JAK1: variants seen among roughly 807,000 people sequenced by gnomAD.
The protein encoded by JAK1 is Janus kinase 1, also known as tyrosine-protein kinase JAK1.
In JAK1, 16 loss-of-function variants were observed where a neutral mutation model predicts 136.6. The observed-to-expected ratio is 0.12, with a 90% confidence interval of 0.08 to 0.18. The LOEUF (loss-of-function observed/expected upper bound fraction) is 0.18, where lower values mean the gene tolerates loss of function less well. Among genes scored for constraint, JAK1 ranks in the 10% least tolerant of loss-of-function variants. The pLI is 1.00. For missense variants in JAK1, 859 were observed against 1,450.1 expected (o/e 0.59, Z 6.62); for synonymous variants, 492 against 519.5 (o/e 0.95, Z 0.72).
chr1:65,059,551 A>C (rs183427295), intron 1 of JAK1, among the ~76,000 whole-genome samples: 14 of 152,330 alleles, frequency 9.2e-5, no homozygotes, highest in Admixed American at 9.2e-4. Context: ...ACCTTTTTAA[A>C]AAGTAATAAT....
At chr1:64,934,808 C>T (rs1286446092) in intron 1 of JAK1, among the ~76,000 whole-genome samples, 1 of 152,190 alleles carries the variant, frequency 6.6e-6, no homozygotes, top group Non-Finnish European at 1.5e-5. Context: ...GTAAATGTCA[C>T]CCACCAGACT....
At chr1:64,858,610 T>C (rs1026966191) in intron 9 of JAK1, among the ~76,000 whole-genome samples, 1 of 152,230 alleles carries the variant, frequency 6.6e-6, no homozygotes, top group African/African-American at 2.4e-5. Context: ...ATCCATTCAT[T>C]CAACAAATAC....
intron 2 of JAK1, chr1:64,973,618 T>A: frequency 7.0e-6 from 1 of 141,944 alleles, no homozygotes; most frequent in East Asian, 2.0e-4. Flanking sequence ...TCGTCTCACT[T>A]TGCAAAAAAA....
intron 1 of JAK1, among the ~76,000 whole-genome samples, chr1:65,060,493 T>C (rs1011210): frequency 0.47 from 70,857 of 152,046 alleles, 19,095 homozygotes; most frequent in Non-Finnish European, 0.6. Context: ...TACTGCAAAG[T>C]TGAAATTCAC....
chr1:64,950,623 T>A (rs1287229221), intron 1 of JAK1, among the ~76,000 whole-genome samples: 1 of 152,136 alleles, frequency 6.6e-6, no homozygotes, highest in African/African-American at 2.4e-5. Context: ...CCAAGTAACT[T>A]GATCTCTCTT....
Position 64,894,533 on chromosome 1 carries a change from C to T in JAK1, c.-77-8192G>A, listed in dbSNP as rs144149520. 7.3e-3 allele frequency among the ~76,000 whole-genome samples: 1,111 copies of T among 152,062 alleles called. 9 individuals carry two copies. Among genetic ancestry groups the T allele is most frequent in the African/African-American group, 0.019 (799 of 41,490 alleles). On this transcript the variant is annotated intron_variant, in intron 1 of 24. Transcript: ENST00000342505. ...CAGCACTTTGGGACGCCAAGGTGGG[C>T]GGATCACTTGAGGTCAGGAGTTCGA...
chr1:64,893,624 T>A (rs1644971769), intron 1 of JAK1, among the ~76,000 whole-genome samples: 1 of 152,184 alleles, frequency 6.6e-6, no homozygotes, highest in South Asian at 2.1e-4. Context: ...CTCTTAATGC[T>A]AAAATAAAAT....
chr1:64,967,060 GAA>G (rs202230651), upstream of JAK1, among the ~76,000 whole-genome samples: 1 of 140,052 alleles, frequency 7.1e-6, no homozygotes, highest in Admixed American at 7.1e-5. Flanking sequence ...AGCTCTTTAC[GAA>G]AAAAAAAAAA....
intron 2 of JAK1, among the ~76,000 whole-genome samples, chr1:65,014,796 C>T (rs954447702): frequency 3.3e-5 from 5 of 151,842 alleles, no homozygotes; most frequent in African/African-American, 4.8e-5. Flanking sequence ...GCCATTCTCC[C>T]GCCTCAGCCT....
At chr1:64,849,229 C>T (rs1655434600) in intron 12 of JAK1, among the ~76,000 whole-genome samples, 1 of 152,088 alleles carries the variant, frequency 6.6e-6, no homozygotes, top group Non-Finnish European at 1.5e-5. Context: ...CTCGCTCTAA[C>T]ACCTGGCGGG....
At chr1:64,870,845 C>G (rs1053756825) in intron 5 of JAK1, among the ~76,000 whole-genome samples, 8 of 152,198 alleles carry the variant, frequency 5.3e-5, no homozygotes, top group African/African-American at 1.9e-4. Flanking sequence ...CCAAAAACTT[C>G]TGAGGAACAA....
At position 64,883,378 on chromosome 1, in the gene JAK1, C is replaced by T; in HGVS notation, c.104G>A (p.Gly35Glu). 6.2e-7 allele frequency: 1 copy of T among 1,614,204 alleles called. No homozygotes were observed. The highest frequency in any genetic ancestry group is 1.1e-5 in the South Asian group (1 of 91,082). The change falls in exon 3 of 25, where the codon GGG (glycine) becomes GAG (glutamate). Residue 35 changes from glycine to glutamate, a missense_variant. Physicochemically the swap from Gly to Glu is moderately conservative, Grantham distance 98 (BLOSUM62 -2). Around this residue, in one of 4 missense-constraint regions of JAK1, gnomAD observed 353 missense variants for 494.0 expected, o/e 0.71. Coordinates refer to ENST00000342505, the MANE Select transcript of JAK1 (RefSeq NM_002227.4). ...CGACAGATAGAAGATCACTTCCACC[C>T]CTGGCTCAGGGGCCTCCAGGTTCAC... ...TEVNLEAPEP[G>E]VEVIFYLSDR... is the part of the protein sequence containing the mutation.
intron 2 of JAK1, among the ~76,000 whole-genome samples, chr1:65,043,986 T>C (rs891685681): frequency 1.3e-5 from 2 of 152,002 alleles, no homozygotes; most frequent in African/African-American, 2.4e-5. Context: ...CCTCCAAAAG[T>C]GCTGGGATTA....
At chr1:64,899,599 CCA>C (rs1418660646) in intron 1 of JAK1, among the ~76,000 whole-genome samples, 1 of 152,132 alleles carries the variant, frequency 6.6e-6, no homozygotes, top group Non-Finnish European at 1.5e-5. Context: ...TTTTTGACTA[CCA>C]CATTTCTTGA....
chr1:64,949,954 G>T (rs1029106308), intron 1 of JAK1, among the ~76,000 whole-genome samples: 11 of 152,068 alleles, frequency 7.2e-5, no homozygotes, highest in African/African-American at 2.7e-4. Flanking sequence ...ATTCAAAAAT[G>T]ATTATTACAA....
chr1:64,862,030 T>A lies in JAK1; in HGVS notation c.1177-1768A>T, dbSNP rs191282083. ...GATGCCAAGGAGATGTAGAGAGAAG[T>A]GATACATGAAGGTCTGACTTGACAA... On this transcript the variant is annotated intron_variant, in intron 8 of 24. Transcript: ENST00000342505. Among the ~76,000 whole-genome samples the A allele has an allele frequency of 3.2e-3, 484 of 152,284 alleles. 1 individual carries two copies. Among genetic ancestry groups the A allele is most frequent in the Middle Eastern group, 6.8e-3 (2 of 294 alleles).
chr1:65,056,311 GTC>G (rs1647534763), intron 1 of JAK1, among the ~76,000 whole-genome samples: 1 of 152,212 alleles, frequency 6.6e-6, no homozygotes, highest in Non-Finnish European at 1.5e-5. Flanking sequence ...TGGTCAATGT[GTC>G]TGAAAAAATA....
chr1:64,835,581 AT>A (rs1654432593), intron 23 of JAK1, 75 bp from the exon 24 acceptor site: 1 of 871,568 alleles, frequency 1.1e-6, no homozygotes, highest in Non-Finnish European at 1.9e-6. Context: ...TTAAGGTGAA[AT>A]TTCTACAATC....
At chr1:64,845,686 G>A (rs755949703) in intron 14 of JAK1, 46 bp from the exon 15 acceptor site, 13 of 1,612,214 alleles carry the variant, frequency 8.1e-6, no homozygotes, top group Middle Eastern at 1.7e-4. Context: ...TCTGTGGCAC[G>A]GTCCTCTCCT....
Sources: allele counts gnomAD v4.1 joint callset (sites outside exome capture counted in the v4.1 genomes callset), GRCh38; gene constraint gnomAD v4.1.1; regional missense constraint gnomAD v4.1.1; transcripts MANE v1.5; gene names NCBI Gene and HGNC (gene_info 2026-07-23, HGNC 2026-07-21).